The following SLC2A5 variants were observed in gnomAD, a reference collection of about 807,000 sequenced individuals.
The protein encoded by SLC2A5 is solute carrier family 2, facilitated glucose transporter member 5.
In SLC2A5, 56 loss-of-function variants were observed where a neutral mutation model predicts 50.3. The observed-to-expected ratio is 1.11, with a 90% CI of 0.90 to 1.39. The LOEUF is 1.39. SLC2A5 is among the 40% of genes most tolerant of loss of function. SLC2A5 has a pLI of 0.00. For missense variants in SLC2A5, 566 were observed against 650.1 expected, an observed-to-expected ratio of 0.87 and a Z score of 1.41; for synonymous variants, 269 against 281.9, an observed-to-expected ratio of 0.95 and a Z score of 0.46.
At chr1:9,066,246 T>C (rs1201047283) in intron 1 of SLC2A5, among the ~76,000 whole-genome samples, 3 of 152,046 alleles carry the variant, frequency 2.0e-5, no homozygotes, top group Admixed American at 6.5e-5. Context: ...GTTTTTTTTT[T>C]GAGACAGAAT....
chr1:9,066,230 T>C (rs777339161), intron 1 of SLC2A5, among the ~76,000 whole-genome samples: 14 of 151,902 alleles, frequency 9.2e-5, no homozygotes, highest in Non-Finnish European at 1.6e-4. Flanking sequence ...TATTCAACAA[T>C]CCTTTGTTTT....
chr1:9,057,320 GAAA>G, intron 3 of SLC2A5, 125 bp downstream of exon 3: 6 of 345,472 alleles, frequency 1.7e-5, no homozygotes, highest in Non-Finnish European at 3.0e-5. Context: ...AAAAAAGAAA[GAAA>G]AAAGAAAAAT....
At chr1:9,087,123 G>T (rs1000065863) in intron 1 of SLC2A5, among the ~76,000 whole-genome samples, 1 of 152,036 alleles carries the variant, frequency 6.6e-6, no homozygotes, top group East Asian at 1.9e-4. Flanking sequence ...CACCTAACTC[G>T]GCCAGAAGCC....
chr1:9,067,623 G>A (rs553264780), intron 1 of SLC2A5, among the ~76,000 whole-genome samples: 1 of 152,208 alleles, frequency 6.6e-6, no homozygotes, highest in East Asian at 1.9e-4. Flanking sequence ...CACTTTCTTA[G>A]TTGTAAGACA....
upstream of SLC2A5, among the ~76,000 whole-genome samples, chr1:9,089,955 T>C (rs147128324): frequency 3.2e-3 from 490 of 152,298 alleles, 2 homozygotes; most frequent in African/African-American, 0.011. Flanking sequence ...ACTTCCTTTC[T>C]TTTGGATACT....
chr1:9,061,714 G>A (rs1438355277), intron 1 of SLC2A5, among the ~76,000 whole-genome samples: 1 of 152,114 alleles, frequency 6.6e-6, no homozygotes, highest in Non-Finnish European at 1.5e-5. Flanking sequence ...AGTCTGATGA[G>A]TGCCCTAAGG....
chr1:9,058,527 C>G (rs975591444), intron 1 of SLC2A5, among the ~76,000 whole-genome samples: 2 of 152,198 alleles, frequency 1.3e-5, no homozygotes, highest in African/African-American at 4.8e-5. Flanking sequence ...AGTAGCACCC[C>G]TCTCCCCAGC....
At chr1:9,079,586 A>G (rs1237042756) in intron 2 of SLC2A5, among the ~76,000 whole-genome samples, 2 of 152,190 alleles carry the variant, frequency 1.3e-5, no homozygotes, top group Admixed American at 1.3e-4. Flanking sequence ...CCTAGGCTCA[A>G]GTGATTCTCC....
chr1:9,037,840 C>T, intron 11 of SLC2A5, 51 bp from the exon 12 acceptor site: 1 of 1,613,844 alleles, frequency 6.2e-7, no homozygotes, highest in Non-Finnish European at 8.5e-7. Flanking sequence ...TGCCCAGGGG[C>T]TCGCACTGTA....
intron 4 of SLC2A5, among the ~76,000 whole-genome samples, chr1:9,043,189 T>C (rs749547575): frequency 1.3e-5 from 2 of 152,140 alleles, no homozygotes; most frequent in Non-Finnish European, 2.9e-5. Flanking sequence ...CGTGGGTCTC[T>C]GAAGGGAGGC....
At chr1:9,056,840 A>C (rs2505972) in intron 3 of SLC2A5, among the ~76,000 whole-genome samples, 67,361 of 151,990 alleles carry the variant, frequency 0.44, 16,512 homozygotes, top group African/African-American at 0.67. Flanking sequence ...CAGTATGAGC[A>C]GAAGCAAGTC....
chr1:9,065,540 A>G (rs1278503682), intron 1 of SLC2A5, among the ~76,000 whole-genome samples: 1 of 152,178 alleles, frequency 6.6e-6, no homozygotes, highest in African/African-American at 2.4e-5. Flanking sequence ...ACTCAGTTTC[A>G]CAAACAGGTA....
chr1:9,066,845 C>A (rs1006854033), intron 1 of SLC2A5, among the ~76,000 whole-genome samples: 5 of 151,874 alleles, frequency 3.3e-5, no homozygotes, highest in African/African-American at 1.2e-4. Context: ...AAGGGTGGTG[C>A]TACATGCCTG....
intron 2 of SLC2A5, among the ~76,000 whole-genome samples, chr1:9,082,192 G>A (rs1488019223): frequency 2.0e-5 from 3 of 152,272 alleles, no homozygotes; most frequent in Admixed American, 6.5e-5. Context: ...AAACAGTTTG[G>A]TGGTTCCTCA....
chr1:9,060,963 G>T (rs1007240368), intron 1 of SLC2A5, among the ~76,000 whole-genome samples: 2 of 151,364 alleles, frequency 1.3e-5, no homozygotes, highest in African/African-American at 4.8e-5. Context: ...AGGGGTGGGG[G>T]TGAGGGGAAG....
chr1:9,037,835 A>C lies in SLC2A5; in HGVS notation c.1303-46T>G, dbSNP rs749929135. 1.8e-5 allele frequency: 29 copies of C among 1,613,874 alleles called. No homozygotes were observed. In the South Asian group the frequency reaches 3.2e-4, roughly 18 times the overall value. ...GACACGTGTGGGACGTGGTTTGCCC[A>C]GGGGCTCGCACTGTACTGCATGGGG... On this transcript the variant is annotated intron_variant, in intron 11 of 11. Transcript: ENST00000377424.
chr1:9,050,399 A>T (rs1177830929), intron 3 of SLC2A5, among the ~76,000 whole-genome samples: 1 of 152,092 alleles, frequency 6.6e-6, no homozygotes, highest in Non-Finnish European at 1.5e-5. Flanking sequence ...TTGAGGCTGC[A>T]GCAAGATGTG....
Position 9,040,336 on chromosome 1 carries a change from CGACGGTG to C in SLC2A5, c.572-154_572-148del. On this transcript the variant is annotated intron_variant, in intron 5 of 11. Transcript: ENST00000377424. The surrounding 1 kb of genome is among the most constrained non-coding windows in gnomAD (Gnocchi z 4.3). The stretch of plus-strand genomic sequence containing the variant: ...TCCCAGCCCTAAGAACAGCAACTCC[CGACGGTG>C]GACACTCGGGAAACACCTGCAGCAG... 3.2e-6 allele frequency: 3 copies of C among 940,874 alleles called. No homozygotes were observed. The highest frequency in any genetic ancestry group is 4.6e-6 in the Non-Finnish European group (3 of 648,928). The allele number at this position is 940,874 out of a possible 1,614,324, so 58.3% of individuals were successfully genotyped here.
intron 2 of SLC2A5, chr1:9,082,878 GAC>G: frequency 1.3e-5 from 2 of 149,424 alleles, no homozygotes; most frequent in Non-Finnish European, 2.6e-5. Context: ...CTGCAAACAG[GAC>G]AAAAAAAAAA....
Sources: allele counts gnomAD v4.1 joint callset (sites outside exome capture counted in the v4.1 genomes callset), GRCh38; gene constraint gnomAD v4.1.1; non-coding constraint Gnocchi (gnomAD v3.1); transcripts MANE v1.5; gene names NCBI Gene and HGNC (gene_info 2026-07-23, HGNC 2026-07-21).